GAB2: variants seen among roughly 807,000 people sequenced by gnomAD.
GAB2 encodes GRB2-associated-binding protein 2.
GAB2 carries 26 observed loss-of-function variants against 65.5 expected under a neutral mutation model. The observed-to-expected ratio is 0.40, with a 90% CI of 0.29 to 0.55. GAB2 has a LOEUF of 0.55. GAB2 is among the 20% of genes least tolerant of loss of function. GAB2 has a pLI of 0.53. For synonymous variants in GAB2, 321 were observed against 329.6 expected, an observed-to-expected ratio of 0.97 and a Z score of 0.28; for missense variants, 884 against 875.8, an observed-to-expected ratio of 1.01 and a Z score of -0.12.
At position 78,223,478 on chromosome 11, in the gene GAB2, C is replaced by T. The variant is rs747376241; in HGVS notation, c.1501G>A (p.Gly501Ser). 5 of 1,601,830 alleles carry T rather than the reference C, an allele frequency of 3.1e-6. No individual in the cohort carries two copies. Among genetic ancestry groups the T allele is most frequent in the Non-Finnish European group, 4.3e-6 (5 of 1,172,984 alleles). Residue 501 changes from glycine to serine, a missense_variant, in exon 6 of 10, where the codon GGC (glycine) becomes AGC (serine). By Grantham distance (56) the Gly-to-Ser change is moderately conservative. Coordinates refer to ENST00000361507, the MANE Select transcript of GAB2 (RefSeq NM_080491.3). ...TGAATCTCACTTCCTCTGCTGGGGC[C>T]TCGGTGCACAGGAAGGGTTGTTGAT... ...YPSTTLPVHR[G>S]PSRGSEIQPP... is the part of the protein sequence containing the mutation.
intron 3 of GAB2, among the ~76,000 whole-genome samples, chr11:78,242,789 G>A (rs1865176207): frequency 6.6e-6 from 1 of 152,172 alleles, no homozygotes. Context: ...TCAACAAAAT[G>A]AAGTTAATTT....
chr11:78,223,743 CTT>C (rs1316451479), intron 5 of GAB2, 67 bp from the exon 6 acceptor site: 1 of 1,350,096 alleles, frequency 7.4e-7, no homozygotes, highest in African/African-American at 1.5e-5. Flanking sequence ...GGGGGTAAGA[CTT>C]TGTAAATGAG....
chr11:78,287,499 A>C (rs1204335506), intron 1 of GAB2, among the ~76,000 whole-genome samples: 2 of 152,102 alleles, frequency 1.3e-5, no homozygotes, highest in Non-Finnish European at 2.9e-5. Context: ...GCTGTTCTTA[A>C]ACTCCTGGGC....
chr11:78,359,167 G>A (rs1856400813), intron 1 of GAB2, among the ~76,000 whole-genome samples: 1 of 152,162 alleles, frequency 6.6e-6, no homozygotes, highest in Non-Finnish European at 1.5e-5. Flanking sequence ...AAATAAGAGA[G>A]GATGGAGTAT....
intron 3 of GAB2, among the ~76,000 whole-genome samples, chr11:78,238,004 G>A (rs1865027268): frequency 6.6e-6 from 1 of 152,120 alleles, no homozygotes; most frequent in Admixed American, 6.5e-5. Context: ...CTGGGGGTGG[G>A]TGTATAATAC....
At chr11:78,307,325 A>C (rs1165828981) in intron 1 of GAB2, among the ~76,000 whole-genome samples, 1 of 152,206 alleles carries the variant, frequency 6.6e-6, no homozygotes, top group Non-Finnish European at 1.5e-5. Context: ...TGAAGTTAAA[A>C]AAAAATTTAA....
chr11:78,225,299 C>G (rs1474405885), intron 4 of GAB2, 97 bp from the exon 5 acceptor site: 2 of 750,606 alleles, frequency 2.7e-6, no homozygotes, highest in African/African-American at 3.5e-5. Context: ...CTTACTGATA[C>G]TCCAGAAGAT....
chr11:78,263,170 A>G (rs1865779697), intron 2 of GAB2, among the ~76,000 whole-genome samples: 2 of 152,228 alleles, frequency 1.3e-5, no homozygotes, highest in Admixed American at 1.3e-4. Context: ...TAAAACTGAA[A>G]CCATCGAATC....
chr11:78,373,301 G>A (rs751504890), intron 1 of GAB2, among the ~76,000 whole-genome samples: 1 of 150,046 alleles, frequency 6.7e-6, no homozygotes, highest in South Asian at 2.1e-4. Flanking sequence ...GTGCAATGGC[G>A]GAATCTCAGC....
intron 1 of GAB2, among the ~76,000 whole-genome samples, chr11:78,377,712 T>G (rs1479938354): frequency 1.3e-5 from 2 of 152,154 alleles, no homozygotes; most frequent in African/African-American, 4.8e-5. Flanking sequence ...TATCGCACAG[T>G]ATTGTAGCAA....
chr11:78,399,411 G>C (rs1297077139), intron 1 of GAB2, among the ~76,000 whole-genome samples: 2 of 152,184 alleles, frequency 1.3e-5, no homozygotes, highest in Non-Finnish European at 2.9e-5. Flanking sequence ...AGAAGTTTTT[G>C]CATTTTAAAC....
intron 1 of GAB2, among the ~76,000 whole-genome samples, chr11:78,343,429 GA>G (rs1856131834): frequency 6.6e-6 from 1 of 151,634 alleles, no homozygotes; most frequent in Admixed American, 6.6e-5. Context: ...GAGGGAGACA[GA>G]AGGAGGGAGA....
At chr11:78,341,392 A>G (rs1856092074) in intron 1 of GAB2, among the ~76,000 whole-genome samples, 1 of 152,234 alleles carries the variant, frequency 6.6e-6, no homozygotes, top group Admixed American at 6.5e-5. Flanking sequence ...GTGTGACAGG[A>G]GATACCAATG....
intron 3 of GAB2, among the ~76,000 whole-genome samples, chr11:78,239,365 C>T (rs1002571138): frequency 3.9e-5 from 6 of 152,010 alleles, no homozygotes; most frequent in Non-Finnish European, 7.4e-5. Context: ...GGATTACAGG[C>T]GCATGTCACC....
intron 3 of GAB2, among the ~76,000 whole-genome samples, chr11:78,233,844 CCTCA>C (rs528342690): frequency 4.1e-4 from 63 of 152,296 alleles, no homozygotes; most frequent in Non-Finnish European, 8.5e-4. Flanking sequence ...GAACTCCTGG[CCTCA>C]AGTTATCTGC....
intron 1 of GAB2, among the ~76,000 whole-genome samples, chr11:78,346,423 A>G (rs898812393): frequency 1.3e-5 from 2 of 151,972 alleles, no homozygotes; most frequent in African/African-American, 2.4e-5. Flanking sequence ...CAAACCCATA[A>G]AGTACTTGTT....
At chr11:78,270,159 T>A (rs1400828096) in intron 2 of GAB2, among the ~76,000 whole-genome samples, 1 of 151,960 alleles carries the variant, frequency 6.6e-6, no homozygotes, top group Non-Finnish European at 1.5e-5. Flanking sequence ...AAACCCCGTT[T>A]CTACTAAAAA....
intron 1 of GAB2, among the ~76,000 whole-genome samples, chr11:78,413,167 T>C (rs959738370): frequency 3.3e-5 from 5 of 152,202 alleles, no homozygotes; most frequent in Admixed American, 2.0e-4. Context: ...CAGTTGGATA[T>C]GTAAGTCTGA....
chr11:78,240,111 G>T (rs1185308390), intron 3 of GAB2, among the ~76,000 whole-genome samples: 1 of 152,216 alleles, frequency 6.6e-6, no homozygotes, highest in South Asian at 2.1e-4. Flanking sequence ...AAGGAAAACA[G>T]TATCTTGGCT....
Sources: allele counts gnomAD v4.1 joint callset (sites outside exome capture counted in the v4.1 genomes callset), GRCh38; gene constraint gnomAD v4.1.1; transcripts MANE v1.5; gene names NCBI Gene and HGNC (gene_info 2026-07-23, HGNC 2026-07-21).